Variants in UNC5C observed in about 807,000 individuals in gnomAD.
The protein encoded by UNC5C is netrin receptor UNC5C.
UNC5C carries 47 observed loss-of-function variants against 99.8 expected under a neutral mutation model. The ratio of observed to expected loss-of-function variants is 0.47; its 90% CI spans 0.37 to 0.60. UNC5C has a LOEUF of 0.60. Ranked by LOEUF, UNC5C falls within the 20% of genes least tolerant of loss-of-function variation. The probability of loss-of-function intolerance (pLI) is 0.00; values close to 1 mark genes in which losing one functional copy is unlikely to be tolerated. For synonymous variants in UNC5C, 487 were observed against 452.2 expected, an observed-to-expected ratio of 1.08 and a Z score of -0.98; for missense variants, 1,062 against 1,165.9, an observed-to-expected ratio of 0.91 and a Z score of 1.30.
intron 2 of UNC5C, among the ~76,000 whole-genome samples, chr4:95,319,534 C>T (rs1742601753): frequency 1.3e-5 from 2 of 152,156 alleles, no homozygotes; most frequent in Admixed American, 6.5e-5. Context: ...AATGGTAGCG[C>T]TCATGTTACA....
In UNC5C at chr4:95,373,384, C is replaced by T. The variant is rs371306638; in HGVS notation, c.125-37753G>A. ...TTTCTTGGTGTTCCTCTAATACTTACTAAATAATATCCTTCTAGGTATCCA... is the reference window on the plus strand; with the variant it reads ...TTTCTTGGTGTTCCTCTAATACTTATTAAATAATATCCTTCTAGGTATCCA... On this transcript the variant is annotated intron_variant, in intron 1 of 15. Coordinates refer to ENST00000453304, the MANE Select transcript of UNC5C (RefSeq NM_003728.4). Among the ~76,000 whole-genome samples the T allele has an allele frequency of 1.9e-4, 29 of 152,268 alleles. No homozygotes were observed. The South Asian group carries it at 5.0e-3, about 26-fold the overall frequency.
intron 1 of UNC5C, among the ~76,000 whole-genome samples, chr4:95,366,080 T>C (rs1744560065): frequency 1.3e-5 from 2 of 152,184 alleles, no homozygotes; most frequent in South Asian, 4.1e-4. Context: ...ACAAAGGGCC[T>C]GGAGTTACCT....
At chr4:95,252,946 C>CTAT (rs1739800323) in intron 4 of UNC5C, among the ~76,000 whole-genome samples, 1 of 152,190 alleles carries the variant, frequency 6.6e-6, no homozygotes, top group Non-Finnish European at 1.5e-5. Flanking sequence ...TACCTTCAGG[C>CTAT]TATGTGCATA....
chr4:95,449,441 T>C (rs572711926), intron 1 of UNC5C, among the ~76,000 whole-genome samples: 27 of 152,328 alleles, frequency 1.8e-4, no homozygotes, highest in African/African-American at 5.5e-4. Context: ...TAATGAATAT[T>C]GACTTCCTGT....
At chr4:95,343,923 T>A (rs1743672782) in intron 1 of UNC5C, among the ~76,000 whole-genome samples, 1 of 151,584 alleles carries the variant, frequency 6.6e-6, no homozygotes, top group South Asian at 2.1e-4. Context: ...GAGAAAAAAA[T>A]GAAGCACATC....
At chr4:95,527,853 A>C (rs1722538061) in intron 1 of UNC5C, among the ~76,000 whole-genome samples, 1 of 152,140 alleles carries the variant, frequency 6.6e-6, no homozygotes, top group African/African-American at 2.4e-5. Flanking sequence ...ACTATATTGC[A>C]AAATCACTTT....
At chr4:95,351,260 C>A (rs550167604) in intron 1 of UNC5C, among the ~76,000 whole-genome samples, 3 of 151,938 alleles carry the variant, frequency 2.0e-5, no homozygotes, top group Admixed American at 6.6e-5. Flanking sequence ...AGGGCAGTGC[C>A]TATCTTACTC....
At chr4:95,401,236 G>A (rs1237424774) in intron 1 of UNC5C, among the ~76,000 whole-genome samples, 1 of 151,704 alleles carries the variant, frequency 6.6e-6, no homozygotes, top group African/African-American at 2.4e-5. Context: ...ACTTCAGGGG[G>A]GTATTAAAGC....
At chr4:95,212,659 G>A (rs1247366385) in intron 10 of UNC5C, among the ~76,000 whole-genome samples, 1 of 151,820 alleles carries the variant, frequency 6.6e-6, no homozygotes, top group Non-Finnish European at 1.5e-5. Flanking sequence ...TCACTTCCAC[G>A]TCCCTAGCAG....
chr4:95,448,223 T>TGAGAGAGAGAGAGAGA (rs1355886184), intron 1 of UNC5C, among the ~76,000 whole-genome samples: 69 of 108,002 alleles, frequency 6.4e-4, no homozygotes, highest in Admixed American at 2.8e-3. Context: ...TGTGTGTGTG[T>TGAGAGAGAGAGAGAGA]GTGTGAGAGA....
chr4:95,391,150 G>T (rs951527275), intron 1 of UNC5C, among the ~76,000 whole-genome samples: 1 of 152,156 alleles, frequency 6.6e-6, no homozygotes, highest in Non-Finnish European at 1.5e-5. Flanking sequence ...ATGATTGTGA[G>T]GCCTCCCCAG....
At chr4:95,189,991 G>A (rs1010360562) in intron 12 of UNC5C, among the ~76,000 whole-genome samples, 4 of 152,096 alleles carry the variant, frequency 2.6e-5, no homozygotes, top group African/African-American at 9.7e-5. Flanking sequence ...CCATTACTGG[G>A]TATATACCCA....
intron 1 of UNC5C, among the ~76,000 whole-genome samples, chr4:95,532,214 G>A (rs1240265931): frequency 2.6e-5 from 4 of 152,132 alleles, no homozygotes; most frequent in Non-Finnish European, 4.4e-5. Flanking sequence ...GGATCTCTGA[G>A]GGTGAGGAGA....
chr4:95,287,993 C>T (rs573920123), intron 3 of UNC5C, among the ~76,000 whole-genome samples: 4 of 152,108 alleles, frequency 2.6e-5, no homozygotes, highest in Non-Finnish European at 5.9e-5. Flanking sequence ...GGCCTGGAAA[C>T]AATTTCCCTT....
At chr4:95,492,340 G>A (rs1047982847) in intron 1 of UNC5C, among the ~76,000 whole-genome samples, 3 of 151,260 alleles carry the variant, frequency 2.0e-5, no homozygotes, top group East Asian at 2.0e-4. Flanking sequence ...AAATTAGAAT[G>A]TGCTTAGCGT....
rs1250401221 is a variant in UNC5C, at chr4:95,361,349, CTCT to C, written c.125-25721_125-25719del. 2.6e-5 allele frequency among the ~76,000 whole-genome samples: 4 copies of C among 152,192 alleles called. No homozygotes were observed. The East Asian group carries it at 7.7e-4, about 29-fold the overall frequency. ...ATTTCAGGGCAGTCCCTTTAACTCT[CTCT>C]TCTTCTGCATGCGTTCAACTCAAGT... On this transcript the variant is annotated intron_variant, in intron 1 of 15. Coordinates refer to ENST00000453304, the MANE Select transcript of UNC5C (RefSeq NM_003728.4).
intron 1 of UNC5C, among the ~76,000 whole-genome samples, chr4:95,351,157 C>G (rs930295934): frequency 6.6e-6 from 1 of 152,088 alleles, no homozygotes; most frequent in Non-Finnish European, 1.5e-5. Flanking sequence ...CTCCCCACTC[C>G]TGGACATTAG....
At chr4:95,223,629 T>C (rs959847910) in intron 7 of UNC5C, among the ~76,000 whole-genome samples, 1 of 152,220 alleles carries the variant, frequency 6.6e-6, no homozygotes, top group Non-Finnish European at 1.5e-5. Flanking sequence ...GATTGCAACC[T>C]CCTACTCAGT....
intron 1 of UNC5C, among the ~76,000 whole-genome samples, chr4:95,507,811 C>T (rs531184717): frequency 1.1e-3 from 171 of 152,178 alleles, no homozygotes; most frequent in African/African-American, 4.0e-3. Context: ...ATGAGTTCCT[C>T]AGTTTTGTCA....
Sources: gnomAD v4.1 joint callset for allele counts (sites outside exome capture counted in the v4.1 genomes callset) on GRCh38, gnomAD v4.1.1 for gene constraint, MANE v1.5 for transcripts, NCBI Gene and HGNC (gene_info 2026-07-23, HGNC 2026-07-21) for gene names.